Variants in OXR1 observed in about 807,000 individuals in gnomAD.
OXR1 encodes oxidation resistance protein 1.
OXR1 carries 41 observed loss-of-function variants against 104.6 expected under a neutral mutation model. That is an observed-to-expected ratio of 0.39 (90% CI 0.31 to 0.51). The LOEUF (loss-of-function observed/expected upper bound fraction) is 0.51, where lower values mean the gene tolerates loss of function less well. Among genes scored for constraint, OXR1 ranks in the 20% least tolerant of loss-of-function variants. The pLI is 0.77. For synonymous variants in OXR1, 348 were observed against 348.4 expected (o/e 1.00, Z 0.01); for missense variants, 955 against 1,031.9 (o/e 0.93, Z 1.02).
chr8:106,369,111 G>A (rs919702017), intron 2 of OXR1, among the ~76,000 whole-genome samples: 1 of 152,170 alleles, frequency 6.6e-6, no homozygotes, highest in Non-Finnish European at 1.5e-5. Flanking sequence ...GCATGAGATG[G>A]TATCTCACTG....
intron 6 of OXR1, among the ~76,000 whole-genome samples, chr8:106,689,800 G>A (rs1002625994): frequency 4.0e-5 from 6 of 151,602 alleles, no homozygotes; most frequent in Non-Finnish European, 8.8e-5. Context: ...TAATTAATTG[G>A]CATCTTGAAG....
intron 2 of OXR1, among the ~76,000 whole-genome samples, chr8:106,416,812 A>G (rs1818699837): frequency 6.6e-6 from 1 of 152,120 alleles, no homozygotes; most frequent in Non-Finnish European, 1.5e-5. Flanking sequence ...CACTTGGTCC[A>G]AGGCCCTTCT....
chr8:106,504,889 A>G (rs1310156905), intron 2 of OXR1, among the ~76,000 whole-genome samples: 4 of 152,036 alleles, frequency 2.6e-5, no homozygotes, highest in African/African-American at 9.7e-5. Context: ...GCTTTTCTGC[A>G]TTCACTCTCC....
chr8:106,347,484 C>T (rs1034062792), intron 1 of OXR1, among the ~76,000 whole-genome samples: 1 of 152,096 alleles, frequency 6.6e-6, no homozygotes, highest in African/African-American at 2.4e-5. Flanking sequence ...GAGGAAATAT[C>T]AATAACTTAT....
rs558350134 is a variant in OXR1 at position 106,737,068 on chromosome 8, C to G, written c.1957-452C>G. 2.6e-5 allele frequency among the ~76,000 whole-genome samples: 4 copies of G among 152,140 alleles called. No individual in the cohort carries two copies. The South Asian group carries it at 8.3e-4, about 32-fold the overall frequency. ...TAGATGGGTATGTTTGTCACCTGTG[C>G]CTAGAAGAAATTCTTCCAGCATGGC... On this transcript the variant is annotated intron_variant, in intron 11 of 16. Coordinates refer to ENST00000517566, the MANE Select transcript of OXR1 (RefSeq NM_001198533.2).
chr8:106,709,520 A>G (rs1225306877), intron 9 of OXR1, among the ~76,000 whole-genome samples: 6 of 151,672 alleles, frequency 4.0e-5, no homozygotes, highest in African/African-American at 7.3e-5. Flanking sequence ...TAGTTACCTT[A>G]TATTATAAAA....
At chr8:106,368,515 G>A (rs559460692) in intron 2 of OXR1, among the ~76,000 whole-genome samples, 1 of 152,004 alleles carries the variant, frequency 6.6e-6, no homozygotes, top group Admixed American at 6.6e-5. Context: ...GTGGTTTGCT[G>A]CACCTATTGA....
intron 1 of OXR1, among the ~76,000 whole-genome samples, chr8:106,351,291 A>T (rs753081761): frequency 3.9e-5 from 6 of 152,208 alleles, no homozygotes; most frequent in Non-Finnish European, 8.8e-5. Context: ...TTTACAATCT[A>T]GATGGAAAAC....
chr8:106,363,045 A>T (rs1816315475), intron 2 of OXR1, among the ~76,000 whole-genome samples: 1 of 152,216 alleles, frequency 6.6e-6, no homozygotes, highest in Non-Finnish European at 1.5e-5. Flanking sequence ...TCTGTTAAAG[A>T]CTGGACAGCA....
At chr8:106,435,355 A>G (rs1214704219) in intron 2 of OXR1, among the ~76,000 whole-genome samples, 1 of 152,096 alleles carries the variant, frequency 6.6e-6, no homozygotes, top group Non-Finnish European at 1.5e-5. Flanking sequence ...CAGAGTCTCT[A>G]CTTGAACATA....
intron 6 of OXR1, among the ~76,000 whole-genome samples, chr8:106,691,562 T>C (rs1039143076): frequency 6.6e-6 from 1 of 151,026 alleles, no homozygotes; most frequent in African/African-American, 2.4e-5. Flanking sequence ...TCATATATTG[T>C]TCAAAAAGGC....
intron 2 of OXR1, among the ~76,000 whole-genome samples, chr8:106,383,354 T>C (rs928632560): frequency 2.0e-5 from 3 of 152,150 alleles, no homozygotes; most frequent in Admixed American, 6.6e-5. Context: ...TAATAGGCCA[T>C]GTTGTATTAG....
intron 3 of OXR1, among the ~76,000 whole-genome samples, chr8:106,589,945 G>A (rs1389284350): frequency 6.6e-6 from 1 of 152,098 alleles, no homozygotes; most frequent in East Asian, 1.9e-4. Context: ...GGGATTACAG[G>A]TATGAACCAC....
chr8:106,369,316 G>A (rs1031747176), intron 2 of OXR1, among the ~76,000 whole-genome samples: 1 of 152,176 alleles, frequency 6.6e-6, no homozygotes, highest in Non-Finnish European at 1.5e-5. Flanking sequence ...CAGATGGGTA[G>A]ATTGCAAAAA....
intron 5 of OXR1, 51 bp downstream of exon 5, chr8:106,683,357 G>C: frequency 2.3e-6 from 2 of 863,678 alleles, no homozygotes; most frequent in Non-Finnish European, 3.9e-6. Flanking sequence ...AAACAGAAAG[G>C]CAGAAAGTAT....
chr8:106,279,183 G>GT (rs1439762764), intron 1 of OXR1, among the ~76,000 whole-genome samples: 1 of 152,118 alleles, frequency 6.6e-6, no homozygotes, highest in Non-Finnish European at 1.5e-5. Flanking sequence ...AGTTACATTG[G>GT]TGGGTGTATA....
chr8:106,355,793 T>G (rs1177059368), intron 1 of OXR1, among the ~76,000 whole-genome samples: 2 of 152,116 alleles, frequency 1.3e-5, no homozygotes, highest in Admixed American at 1.3e-4. Context: ...GCTTATCAAA[T>G]TCCAAGTTGG....
At chr8:106,461,042 G>A (rs1820882845) in intron 2 of OXR1, among the ~76,000 whole-genome samples, 1 of 152,004 alleles carries the variant, frequency 6.6e-6, no homozygotes, top group Non-Finnish European at 1.5e-5. Context: ...AGAACACTAG[G>A]GGGACATAAT....
intron 2 of OXR1, among the ~76,000 whole-genome samples, chr8:106,429,659 C>CAA (rs55954304): frequency 2.1e-5 from 2 of 94,022 alleles, no homozygotes; most frequent in Admixed American, 1.2e-4. Context: ...GACTCTGTCT[C>CAA]AAAAAAAAAA....
Sources: gnomAD v4.1 joint callset for allele counts (sites outside exome capture counted in the v4.1 genomes callset) on GRCh38, gnomAD v4.1.1 for gene constraint, MANE v1.5 for transcripts, NCBI Gene and HGNC (gene_info 2026-07-23, HGNC 2026-07-21) for gene names.